LRMDA: variants seen among roughly 807,000 people sequenced by gnomAD.
LRMDA encodes leucine-rich melanocyte differentiation-associated protein.
LRMDA carries 18 observed loss-of-function variants against 29.8 expected under a neutral mutation model. The observed-to-expected ratio is 0.60, with a 90% CI of 0.42 to 0.90. The LOEUF (loss-of-function observed/expected upper bound fraction) is 0.90. LRMDA is among the 40% of genes least tolerant of loss of function. The pLI is 0.00. For missense variants in LRMDA, 273 were observed against 273.9 expected, an observed-to-expected ratio of 1.00 and a Z score of 0.02; for synonymous variants, 125 against 109.4, an observed-to-expected ratio of 1.14 and a Z score of -0.89.
At chr10:76,492,307 A>G (rs760160901) in intron 6 of LRMDA, among the ~76,000 whole-genome samples, 1 of 152,030 alleles carries the variant, frequency 6.6e-6, no homozygotes, top group East Asian at 1.9e-4. Context: ...TATAGTCTTC[A>G]TAGTCTGGGC....
At chr10:76,353,361 T>A (rs926747541) in intron 6 of LRMDA, among the ~76,000 whole-genome samples, 3 of 150,884 alleles carry the variant, frequency 2.0e-5, no homozygotes, top group African/African-American at 4.9e-5. Context: ...TGTGTGTGTG[T>A]GAGATAGATT....
At chr10:76,258,315 A>G (rs1408043115) in intron 5 of LRMDA, among the ~76,000 whole-genome samples, 3 of 151,474 alleles carry the variant, frequency 2.0e-5, no homozygotes, top group African/African-American at 4.8e-5. Context: ...TTTAAATTAA[A>G]TGTATTTTTT....
chr10:76,273,098 C>A (rs1301827545), intron 5 of LRMDA, among the ~76,000 whole-genome samples: 1 of 152,096 alleles, frequency 6.6e-6, no homozygotes, highest in African/African-American at 2.4e-5. Context: ...CATCCTCTCA[C>A]TTAGGGCAAA....
At chr10:76,197,573 C>T (rs1340286868) in intron 5 of LRMDA, among the ~76,000 whole-genome samples, 1 of 152,116 alleles carries the variant, frequency 6.6e-6, no homozygotes, top group African/African-American at 2.4e-5. Flanking sequence ...TATGGCTAAA[C>T]ATCCTACAAT....
chr10:76,025,718 G>A (rs1848051914), intron 2 of LRMDA, among the ~76,000 whole-genome samples: 1 of 152,158 alleles, frequency 6.6e-6, no homozygotes, highest in African/African-American at 2.4e-5. Context: ...ACCAAATGTG[G>A]AATAAGGTAT....
intron 2 of LRMDA, among the ~76,000 whole-genome samples, chr10:75,953,529 G>A (rs1181955561): frequency 6.6e-6 from 1 of 152,118 alleles, no homozygotes; most frequent in Non-Finnish European, 1.5e-5. Context: ...TTCCTGAAGG[G>A]TCTATGTGCC....
intron 2 of LRMDA, among the ~76,000 whole-genome samples, chr10:75,901,978 T>C (rs1276256690): frequency 6.6e-6 from 1 of 152,194 alleles, no homozygotes; most frequent in Non-Finnish European, 1.5e-5. Flanking sequence ...TGACCCAGAC[T>C]GACAGCAGAC....
chr10:76,303,002 C>G (rs942599396), intron 5 of LRMDA, among the ~76,000 whole-genome samples: 1 of 152,166 alleles, frequency 6.6e-6, no homozygotes, highest in Non-Finnish European at 1.5e-5. Flanking sequence ...TCCTCATCTC[C>G]CCCTGAAAGA....
intron 6 of LRMDA, among the ~76,000 whole-genome samples, chr10:76,325,320 A>G (rs1436694353): frequency 6.6e-6 from 1 of 152,226 alleles, no homozygotes; most frequent in African/African-American, 2.4e-5. Flanking sequence ...CAGGAAACGA[A>G]GAAGAGAGTA....
rs535044486 is a variant in LRMDA, at chr10:76,206,252, C to T, written c.517-118149C>T. 2.6e-5 allele frequency among the ~76,000 whole-genome samples: 4 copies of T among 152,288 alleles called. No individual in the cohort carries two copies. In the East Asian group the frequency reaches 7.7e-4, roughly 29 times the overall value. Reference sequence around the variant, plus strand: ...TCTCAGAACAGGTTGGAACCTCTTACGACGTTGTGCTTGTCCCACTGCCTG... The same window carrying T: ...TCTCAGAACAGGTTGGAACCTCTTATGACGTTGTGCTTGTCCCACTGCCTG... On this transcript the variant is annotated intron_variant, in intron 5 of 6. Transcript: ENST00000611255.
In LRMDA at chr10:76,559,348, G is replaced by A. The variant is rs1258155201; in HGVS notation, c.*2060G>A. The A allele has an allele frequency of 3.9e-5, 6 of 152,126 alleles. No individual in the cohort carries two copies. The highest frequency in any genetic ancestry group is 4.4e-5 in the Non-Finnish European group (3 of 68,026). 9.4% of individuals were successfully genotyped at this position (152,126 alleles called of 1,614,324 possible). On this transcript the variant is annotated 3_prime_UTR_variant, in exon 7 of 7. Transcript: ENST00000611255. ...GAGGCAAAACATATTTTTGGAGTGA[G>A]TTATTGACCACATTGTTTCCCTCTC... is the stretch of plus-strand genomic sequence containing the variant.
At chr10:76,518,332 C>CT (rs1843084999) in intron 6 of LRMDA, among the ~76,000 whole-genome samples, 1 of 141,692 alleles carries the variant, frequency 7.1e-6, no homozygotes, top group Non-Finnish European at 1.6e-5. Flanking sequence ...TCTATCATCT[C>CT]TATCTGTATC....
chr10:76,192,622 TA>T (rs914844175), intron 5 of LRMDA, among the ~76,000 whole-genome samples: 1 of 152,244 alleles, frequency 6.6e-6, no homozygotes, highest in African/African-American at 2.4e-5. Context: ...TGTTGATAGT[TA>T]AAATTTCATT....
At chr10:76,008,164 G>T (rs1045471505) in intron 2 of LRMDA, among the ~76,000 whole-genome samples, 2 of 152,180 alleles carry the variant, frequency 1.3e-5, no homozygotes, top group African/African-American at 4.8e-5. Context: ...TGTTTGCGTT[G>T]GGGTGGCTAA....
intron 2 of LRMDA, among the ~76,000 whole-genome samples, chr10:75,516,144 G>A (rs143733140): frequency 0.013 from 1,993 of 152,268 alleles, 35 homozygotes; most frequent in African/African-American, 0.04. Flanking sequence ...TTGCTATTGT[G>A]AATAGTGCTG....
chr10:76,013,010 G>A (rs980179509), intron 2 of LRMDA, among the ~76,000 whole-genome samples: 3 of 152,156 alleles, frequency 2.0e-5, no homozygotes, highest in Non-Finnish European at 4.4e-5. Context: ...GCGGGAGGGG[G>A]AGAAGGGGGA....
rs756990469 is a variant in LRMDA at position 75,695,551 on chromosome 10, T to C, written c.131+257057T>C. ...CAAGGCCTCATAAACTCATCCCTTA[T>C]AGCTGTATCTCCCTCCCCCTCCCTT... On this transcript the variant is annotated intron_variant, in intron 2 of 6. Coordinates refer to ENST00000611255, the MANE Select transcript of LRMDA (RefSeq NM_001305581.2). Among the ~76,000 whole-genome samples the C allele has an allele frequency of 5.3e-5, 8 of 152,228 alleles. No individual in the cohort carries two copies. The East Asian group carries it at 1.5e-3, about 29-fold the overall frequency.
rs942554514 is a variant in LRMDA, at chr10:75,957,855, C to T, written c.132-78153C>T. On this transcript the variant is annotated intron_variant, in intron 2 of 6. Transcript: ENST00000611255. ...ACGAGGGCTTTGATGGATGAGTTAG[C>T]TCCATCTGGTCGCAGTATATGTAAT... 2.0e-5 allele frequency among the ~76,000 whole-genome samples: 3 copies of T among 152,118 alleles called. No individual in the cohort carries two copies. The East Asian group carries it at 5.8e-4, about 29-fold the overall frequency.
intron 2 of LRMDA, among the ~76,000 whole-genome samples, chr10:75,446,295 T>C (rs1445761315): frequency 6.6e-6 from 1 of 152,220 alleles, no homozygotes; most frequent in Non-Finnish European, 1.5e-5. Context: ...AAGTGTTGAG[T>C]GCTGTGTGTA....
Sources: gnomAD v4.1 joint callset for allele counts (sites outside exome capture counted in the v4.1 genomes callset) on GRCh38, gnomAD v4.1.1 for gene constraint, MANE v1.5 for transcripts, NCBI Gene and HGNC (gene_info 2026-07-23, HGNC 2026-07-21) for gene names.